DDX55: variants seen among roughly 807,000 people sequenced by gnomAD.
The protein encoded by DDX55 is ATP-dependent RNA helicase DDX55.
Under a neutral mutation model 69.2 loss-of-function variants are expected in DDX55, and 56 were observed. That is an observed-to-expected ratio of 0.81 (90% confidence interval 0.65 to 1.01). The LOEUF is 1.01. Ranked by LOEUF, DDX55 falls within the 50% of genes least tolerant of loss-of-function variation. The probability of loss-of-function intolerance (pLI) is 0.00; values close to 1 mark genes in which losing one functional copy is unlikely to be tolerated. For synonymous variants in DDX55, 268 were observed against 273.1 expected, an observed-to-expected ratio of 0.98 and a Z score of 0.18; for missense variants, 720 against 745.1, an observed-to-expected ratio of 0.97 and a Z score of 0.39.
Position 123,610,070 on chromosome 12 carries a change from A to C in DDX55, c.683A>C (p.Lys228Thr). ...CCTGTCCGGGTCTCAGTGAAGGAGA[A>C]GGGCGTGGCAGCCAGCAGTGCCCAG... ...RNPVRVSVKE[K>T]GVAASSAQKT... The change falls in exon 7 of 14, where the codon AAG becomes ACG. Residue 228 changes from lysine to threonine, a missense_variant. Physicochemically the swap from Lys to Thr is moderately conservative, Grantham distance 78 (BLOSUM62 -1). Transcript: ENST00000238146. 2 of 1,614,170 alleles carry C rather than the reference A, an allele frequency of 1.2e-6. No homozygotes were observed. Among genetic ancestry groups the C allele is most frequent in the Non-Finnish European group, 1.7e-6 (2 of 1,180,036 alleles).
intron 3 of DDX55, 61 bp from the exon 4 acceptor site, chr12:123,607,371 T>C: frequency 6.3e-7 from 1 of 1,578,488 alleles, no homozygotes. Context: ...GGAGGGCCTA[T>C]GAGTTCCTCT....
chr12:123,602,113 C>T lies in DDX55; in HGVS notation c.-36C>T, dbSNP rs1031155298. 7 of 1,521,378 alleles carry T rather than the reference C, an allele frequency of 4.6e-6. No homozygotes were observed. Among genetic ancestry groups the T allele is most frequent in the Non-Finnish European group, 5.3e-6 (6 of 1,129,372 alleles). 94.2% of individuals were successfully genotyped at this position (1,521,378 alleles called of 1,614,324 possible). A position where few individuals can be genotyped will look rare whatever the true frequency, so the allele number is the denominator to read the frequency against. On this transcript the variant is annotated 5_prime_UTR_variant, in exon 1 of 14. Coordinates refer to ENST00000238146, the MANE Select transcript of DDX55 (RefSeq NM_020936.3). ...TCGTTGGGGGTGCACAAGGCGCGTTCGAGCAGCGGCGACCGACGCGGCGAA... is the reference window on the plus strand; with the variant it reads ...TCGTTGGGGGTGCACAAGGCGCGTTTGAGCAGCGGCGACCGACGCGGCGAA...
intron 11 of DDX55, 75 bp from the exon 12 acceptor site, chr12:123,618,594 T>C: frequency 6.4e-7 from 1 of 1,568,570 alleles, no homozygotes; most frequent in Non-Finnish European, 8.6e-7. Context: ...TTTGTTTTTC[T>C]TGGTTGTGAT....
At chr12:123,606,543 A>AGTG (rs1953902534) in intron 3 of DDX55, among the ~76,000 whole-genome samples, 1 of 151,026 alleles carries the variant, frequency 6.6e-6, no homozygotes, top group South Asian at 2.1e-4. Flanking sequence ...AGGTGTAAAC[A>AGTG]GTGTCCTTTT....
intron 7 of DDX55, among the ~76,000 whole-genome samples, chr12:123,612,845 A>G (rs567599909): frequency 6.6e-6 from 1 of 151,866 alleles, no homozygotes; most frequent in Admixed American, 6.6e-5. Flanking sequence ...AGAAGAAAAA[A>G]AAAGGTAAAT....
chr12:123,607,711 A>C lies in DDX55; in HGVS notation c.401+49A>C. On this transcript the variant is annotated intron_variant, in intron 5 of 13. Coordinates refer to ENST00000238146, the MANE Select transcript of DDX55 (RefSeq NM_020936.3). ...TTTCTTTGCTTGCTTTTGGCATTGA[A>C]CCTAAGAATCGATGTGTGATCTCAG... 1.9e-6 allele frequency: 3 copies of C among 1,613,300 alleles called. No homozygotes were observed. The East Asian group carries it at 6.7e-5, about 36-fold the overall frequency.
At chr12:123,614,111 C>A in intron 8 of DDX55, among the ~76,000 whole-genome samples, 1 of 152,144 alleles carries the variant, frequency 6.6e-6, no homozygotes, top group South Asian at 2.1e-4. Flanking sequence ...CCAAACAAGA[C>A]AATAAAACAA....
chr12:123,614,584 C>G lies in DDX55; in HGVS notation c.825-601C>G, dbSNP rs527680279. Among the ~76,000 whole-genome samples, 23 of 152,242 alleles carry G rather than the reference C, an allele frequency of 1.5e-4. 1 individual carries two copies. Among genetic ancestry groups the G allele is most frequent in the Admixed American group, 9.2e-4 (14 of 15,284 alleles). ...CACAGATTCAGAGAATGTTGAGTGT[C>G]CAGCTCCCAGGGAAGGAGGCTCCCT... is the stretch of plus-strand genomic sequence containing the variant. On this transcript the variant is annotated intron_variant, in intron 8 of 13. Coordinates refer to ENST00000238146, the MANE Select transcript of DDX55 (RefSeq NM_020936.3).
chr12:123,602,172 C>T lies in DDX55; in HGVS notation c.24C>T (p.Ser8=), dbSNP rs772231566. MEHVTEG[S]WESLPVPLHP... Reference sequence around the variant, plus strand: ...CCATGGAGCATGTGACAGAGGGCTCCTGGGAGTCGCTGCCTGTGCCGCTGC... The same window carrying T: ...CCATGGAGCATGTGACAGAGGGCTCTTGGGAGTCGCTGCCTGTGCCGCTGC... The change falls in exon 1 of 14, where the codon TCC becomes TCT. Residue 8 remains serine (S), a synonymous_variant. Coordinates refer to ENST00000238146, the MANE Select transcript of DDX55 (RefSeq NM_020936.3). 18 of 1,562,654 alleles carry T rather than the reference C, an allele frequency of 1.2e-5. No individual in the cohort carries two copies. The highest frequency in any genetic ancestry group is 2.3e-5 in the South Asian group (2 of 85,378).
At chr12:123,616,322 A>G (rs1414911888) in intron 9 of DDX55, among the ~76,000 whole-genome samples, 189 bp from the exon 10 acceptor site, 1 of 152,084 alleles carries the variant, frequency 6.6e-6, no homozygotes, top group African/African-American at 2.4e-5. Context: ...CCTCCCTCCA[A>G]TTTTTATTGG....
chr12:123,618,395 C>G, intron 11 of DDX55: 1 of 873,786 alleles, frequency 1.1e-6, no homozygotes, highest in Non-Finnish European at 1.8e-6. Context: ...CTGCTGGGAC[C>G]CAGGCAAGGG....
intron 9 of DDX55, 89 bp from the exon 10 acceptor site, chr12:123,616,422 T>C: frequency 8.7e-7 from 1 of 1,146,792 alleles, no homozygotes; most frequent in Non-Finnish European, 1.3e-6. Flanking sequence ...CCAGCACCTG[T>C]GTGTCACTGT....
Position 123,618,587 on chromosome 12 carries a change from GT to G in DDX55, c.1165-77del, listed in dbSNP as rs1039248728. ...GTTGAAAAGGAATTGTTTCGCTTTT[GT>G]TTTTCTTGGTTGTGATGGGGAGCCC... is the stretch of plus-strand genomic sequence containing the variant. On this transcript the variant is annotated intron_variant, in intron 11 of 13. Coordinates refer to ENST00000238146, the MANE Select transcript of DDX55 (RefSeq NM_020936.3). The G allele has an allele frequency of 1.5e-5, 24 of 1,562,944 alleles. No homozygotes were observed. The Admixed American group carries it at 3.2e-4, about 21-fold the overall frequency.
At chr12:123,617,982 G>A (rs1954809735) in intron 11 of DDX55, 110 bp downstream of exon 11, 1 of 1,087,488 alleles carries the variant, frequency 9.2e-7, no homozygotes, top group Non-Finnish European at 1.4e-6. Context: ...CACTGGGGCT[G>A]GGCTGGTGGT....
At chr12:123,615,819 C>G (rs1324931502) in intron 9 of DDX55, among the ~76,000 whole-genome samples, 1 of 152,150 alleles carries the variant, frequency 6.6e-6, no homozygotes, top group Non-Finnish European at 1.5e-5. Flanking sequence ...CCTGTCTCTA[C>G]TAAAAACAAA....
Position 123,617,755 on chromosome 12 carries a change from C to T in DDX55, c.1050-3C>T. 6.2e-7 allele frequency: 1 copy of T among 1,609,148 alleles called. No homozygotes were observed. Among genetic ancestry groups the T allele is most frequent in the East Asian group, 2.2e-5 (1 of 44,804 alleles). ...TACCCATTTCCACCCTGTGTTCTCA[C>T]AGTGCCTTCGTGCATCGCTGCGGTC... On this transcript the variant is annotated splice_region_variant and splice_polypyrimidine_tract_variant and intron_variant, in intron 10 of 13. Coordinates refer to ENST00000238146, the MANE Select transcript of DDX55 (RefSeq NM_020936.3).
Position 123,616,541 on chromosome 12 carries a change from C to A in DDX55, c.987C>A (p.Ala329=), listed in dbSNP as rs1255469146. The A allele has an allele frequency of 6.2e-6, 10 of 1,613,882 alleles. No homozygotes were observed. The East Asian group carries it at 2.2e-4, about 36-fold the overall frequency. The change falls in exon 10 of 14, where the codon GCC becomes GCA. Residue 329 remains alanine, a synonymous_variant. Transcript: ENST00000238146. ...SGILVCTDVM[A]RGIDIPEVNW... is the part of the protein sequence containing the mutation. The stretch of plus-strand genomic sequence containing the variant: ...TTTTAGTGTGCACTGATGTGATGGC[C>A]CGGGGAATTGATATTCCTGAAGTCA...
Position 123,602,208 on chromosome 12 carries a change from G to T in DDX55, c.60G>T (p.Val20=), listed in dbSNP as rs1953604511. 1.3e-6 allele frequency: 2 copies of T among 1,573,234 alleles called. No homozygotes were observed. The highest frequency in any genetic ancestry group is 1.7e-6 in the Non-Finnish European group (2 of 1,161,484). Residue 20 remains valine (V), a synonymous_variant, in exon 1 of 14, where the codon GTG becomes GTT. Coordinates refer to ENST00000238146, the MANE Select transcript of DDX55 (RefSeq NM_020936.3). ...TGCCTGTGCCGCTGCACCCGCAGGTGCTGGGCGCGCTGCGGGAGCTGGGCT... is the reference window on the plus strand; with the variant it reads ...TGCCTGTGCCGCTGCACCCGCAGGTTCTGGGCGCGCTGCGGGAGCTGGGCT... The part of the protein sequence containing the change: ...ESLPVPLHPQ[V]LGALRELGFP...
intron 5 of DDX55, 170 bp from the exon 6 acceptor site, chr12:123,608,510 C>G: frequency 1.3e-6 from 1 of 766,734 alleles, no homozygotes; most frequent in Non-Finnish European, 2.0e-6. Flanking sequence ...CCCGTCTCAC[C>G]ACAGCCCTCA....
Sources: allele counts gnomAD v4.1 joint callset (sites outside exome capture counted in the v4.1 genomes callset), GRCh38; gene constraint gnomAD v4.1.1; transcripts MANE v1.5; gene names NCBI Gene and HGNC (gene_info 2026-07-23, HGNC 2026-07-21).